The following SBF2 variants were observed in gnomAD, a reference collection of about 807,000 sequenced individuals.
SBF2 encodes SET binding factor 2, also known as myotubularin-related protein 13.
SBF2 carries 112 observed loss-of-function variants against 225.2 expected under a neutral mutation model. The ratio of observed to expected loss-of-function variants is 0.50; its 90% CI spans 0.43 to 0.58. The LOEUF is 0.58. Among genes scored for constraint, SBF2 ranks in the 20% least tolerant of loss-of-function variants. The pLI is 0.00. For missense variants in SBF2, 1,996 were observed against 2,206.2 expected, an observed-to-expected ratio of 0.90 and a Z score of 1.91; for synonymous variants, 763 against 773.3, an observed-to-expected ratio of 0.99 and a Z score of 0.22.
intron 17 of SBF2, among the ~76,000 whole-genome samples, chr11:9,860,524 T>C (rs1320148581): frequency 6.6e-6 from 1 of 151,698 alleles, no homozygotes; most frequent in Non-Finnish European, 1.5e-5. Context: ...AGAGATGGGG[T>C]TTCATCATAT....
chr11:9,807,191 T>C (rs1353862413), intron 32 of SBF2, among the ~76,000 whole-genome samples: 2 of 152,208 alleles, frequency 1.3e-5, no homozygotes, highest in Non-Finnish European at 2.9e-5. Flanking sequence ...CTGCTTTTCC[T>C]AGGCCAATTC....
intron 13 of SBF2, among the ~76,000 whole-genome samples, chr11:9,976,548 G>A (rs182798470): frequency 1.8e-3 from 281 of 152,160 alleles, no homozygotes; most frequent in African/African-American, 6.5e-3. Context: ...AGTGCATTAT[G>A]TTTATGCCCG....
rs190493881 is a variant in SBF2, at chr11:10,100,415, C to T, written c.142-57434G>A. Among the ~76,000 whole-genome samples, 581 of 152,312 alleles carry T rather than the reference C, an allele frequency of 3.8e-3. 5 individuals carry two copies. The highest frequency in any genetic ancestry group is 0.013 in the African/African-American group (549 of 41,566). On this transcript the variant is annotated intron_variant, in intron 2 of 39. Coordinates refer to ENST00000256190, the MANE Select transcript of SBF2 (RefSeq NM_030962.4). The stretch of plus-strand genomic sequence containing the variant: ...TGATGGATCCAAAGGCCAGCCCAAG[C>T]GGCCACAGTTGTCTTGGACTGGGGG...
rs530304855 is a variant in SBF2, at chr11:10,216,900, G to A, written c.56-22913C>T. Among the ~76,000 whole-genome samples, 66 of 151,804 alleles carry A rather than the reference G, an allele frequency of 4.3e-4. No homozygotes were observed. In the East Asian group the frequency reaches 0.012, roughly 28 times the overall value. ...AGTAATTTTTAAAAAAAAGTAGAAA[G>A]GGATAAAAAGTGGAACTCATCTTAA... is the stretch of plus-strand genomic sequence containing the variant. On this transcript the variant is annotated intron_variant, in intron 1 of 39. Coordinates refer to ENST00000256190, the MANE Select transcript of SBF2 (RefSeq NM_030962.4).
chr11:10,043,820 T>C (rs558709353), intron 2 of SBF2, among the ~76,000 whole-genome samples: 147 of 152,284 alleles, frequency 9.7e-4, no homozygotes, highest in Non-Finnish European at 1.7e-3. Flanking sequence ...GCAATTCTCC[T>C]GTGTCAGTCT....
At chr11:9,843,783 C>A (rs1184184401) in intron 24 of SBF2, 4 of 152,178 alleles carry the variant, frequency 2.6e-5, no homozygotes, top group Non-Finnish European at 5.9e-5. Flanking sequence ...TTGTAAATCA[C>A]TTGTGTAACT....
intron 17 of SBF2, among the ~76,000 whole-genome samples, chr11:9,874,618 C>T (rs10500710): frequency 0.077 from 11,665 of 152,178 alleles, 700 homozygotes; most frequent in East Asian, 0.28. Context: ...TCAGTGCCTA[C>T]ACTTTCTAAG....
intron 2 of SBF2, among the ~76,000 whole-genome samples, chr11:10,053,061 T>A (rs1353897037): frequency 1.3e-5 from 2 of 152,156 alleles, no homozygotes; most frequent in African/African-American, 4.8e-5. Flanking sequence ...ATATTGTATA[T>A]ATAGTTATGA....
intron 1 of SBF2, among the ~76,000 whole-genome samples, chr11:10,220,922 A>G (rs1432593420): frequency 6.6e-6 from 1 of 151,982 alleles, no homozygotes; most frequent in African/African-American, 2.4e-5. Context: ...GGCACATCCT[A>G]TTTCTCATAG....
At chr11:10,268,166 C>T (rs560081574) in intron 1 of SBF2, among the ~76,000 whole-genome samples, 1 of 152,266 alleles carries the variant, frequency 6.6e-6, no homozygotes, top group Non-Finnish European at 1.5e-5. Flanking sequence ...CTTGATTTCT[C>T]TCTGTAAATG....
At chr11:10,228,454 A>G (rs951770663) in intron 1 of SBF2, among the ~76,000 whole-genome samples, 54 of 152,264 alleles carry the variant, frequency 3.5e-4, no homozygotes, top group Non-Finnish European at 4.9e-4. Flanking sequence ...TATTGGCTGT[A>G]GGTTTGTCAT....
intron 28 of SBF2, chr11:9,828,090 G>C (rs999040067): frequency 7.7e-6 from 9 of 1,167,620 alleles, no homozygotes; most frequent in African/African-American, 4.8e-5. Flanking sequence ...TTTTAAGCTT[G>C]CATCAGTGCT....
At chr11:10,064,634 T>G (rs1397581227) in intron 2 of SBF2, among the ~76,000 whole-genome samples, 1 of 152,122 alleles carries the variant, frequency 6.6e-6, no homozygotes, top group Non-Finnish European at 1.5e-5. Flanking sequence ...AAAGCTAAAG[T>G]GGCTACATTA....
At chr11:9,786,673 G>A (rs896030031) in intron 36 of SBF2, among the ~76,000 whole-genome samples, 4 of 152,116 alleles carry the variant, frequency 2.6e-5, no homozygotes, top group African/African-American at 7.2e-5. Flanking sequence ...ATGTGGGTTC[G>A]ATTGGTGGCT....
intron 24 of SBF2, among the ~76,000 whole-genome samples, chr11:9,843,392 C>G (rs995672171): frequency 6.6e-6 from 1 of 152,138 alleles, no homozygotes; most frequent in Non-Finnish European, 1.5e-5. Flanking sequence ...ACTTGAGTAT[C>G]CTTTTGAGAA....
At chr11:10,089,703 T>C (rs1049352535) in intron 2 of SBF2, among the ~76,000 whole-genome samples, 3 of 152,172 alleles carry the variant, frequency 2.0e-5, no homozygotes, top group South Asian at 2.1e-4. Flanking sequence ...TATATTTCAA[T>C]AAAGTGTCAT....
At chr11:9,882,795 C>CA (rs56699466) in intron 17 of SBF2, among the ~76,000 whole-genome samples, 13,551 of 87,860 alleles carry the variant, frequency 0.15, 1,924 homozygotes, top group Non-Finnish European at 0.25. Context: ...GTGACAGAGT[C>CA]AAAAAAAAAA....
chr11:10,240,832 A>G (rs754063315), intron 1 of SBF2, among the ~76,000 whole-genome samples: 8 of 152,214 alleles, frequency 5.3e-5, no homozygotes, highest in Non-Finnish European at 1.0e-4. Flanking sequence ...TCCAATCAAT[A>G]AAAGTATTAA....
chr11:9,987,061 C>A (rs1384814816), intron 13 of SBF2, among the ~76,000 whole-genome samples: 1 of 152,116 alleles, frequency 6.6e-6, no homozygotes, highest in Non-Finnish European at 1.5e-5. Flanking sequence ...AACAACATAT[C>A]AGAAAGATAA....
Sources: gnomAD v4.1 joint callset for allele counts (sites outside exome capture counted in the v4.1 genomes callset) on GRCh38, gnomAD v4.1.1 for gene constraint, MANE v1.5 for transcripts, NCBI Gene and HGNC (gene_info 2026-07-23, HGNC 2026-07-21) for gene names.